The following NUDT13 variants were observed in gnomAD, a reference collection of about 807,000 sequenced individuals.
NUDT13 encodes the protein nudix hydrolase 13.
A neutral mutation model predicts 41.7 loss-of-function variants in NUDT13; 40 were observed. The ratio of observed to expected loss-of-function variants is 0.96; its 90% CI spans 0.75 to 1.25. The LOEUF (loss-of-function observed/expected upper bound fraction) is 1.25. NUDT13 is among the 50% of genes most tolerant of loss of function. The pLI, the probability that NUDT13 is intolerant of heterozygous loss-of-function variation, is 0.00. For missense variants in NUDT13, 390 were observed against 416.1 expected, an observed-to-expected ratio of 0.94 and a Z score of 0.55; for synonymous variants, 145 against 155.5, an observed-to-expected ratio of 0.93 and a Z score of 0.50.
In NUDT13 at chr10:73,125,167, G is replaced by C. The variant is rs769898059; in HGVS notation, c.515G>C (p.Ser172Thr). ...GATGCTCATCAGTTCTGCAGCAGAA[G>C]TGGGCAGCCCACCAAGAAGAACGTG... The part of the protein sequence containing the change: ...WHDAHQFCSR[S>T]GQPTKKNVAG... The change falls in exon 6 of 9, where the codon AGT becomes ACT. Residue 172 changes from serine to threonine, a missense_variant. Coordinates refer to ENST00000357321, the MANE Select transcript of NUDT13 (RefSeq NM_015901.6). The C allele has an allele frequency of 1.2e-6, 2 of 1,613,666 alleles. No individual in the cohort carries two copies. Among genetic ancestry groups the C allele is most frequent in the African/African-American group, 2.7e-5 (2 of 74,942 alleles).
At chr10:73,125,092 C>T in intron 5 of NUDT13, 26 bp from the exon 6 acceptor site, 2 of 1,594,474 alleles carry the variant, frequency 1.3e-6, no homozygotes, top group Non-Finnish European at 1.7e-6. Context: ...CTCCAAATGA[C>T]ACCAGGCCCA....
At chr10:73,116,786 AC>A (rs1370630855) in intron 2 of NUDT13, among the ~76,000 whole-genome samples, 3 of 151,964 alleles carry the variant, frequency 2.0e-5, no homozygotes, top group African/African-American at 2.4e-5. Context: ...TCCTACATGA[AC>A]AAGAGTGAAC....
chr10:73,113,184 G>A (rs1842412216), intron 1 of NUDT13, among the ~76,000 whole-genome samples: 1 of 152,198 alleles, frequency 6.6e-6, no homozygotes, highest in African/African-American at 2.4e-5. Flanking sequence ...ACCGCACCCA[G>A]CCCTTCTATT....
intron 3 of NUDT13, among the ~76,000 whole-genome samples, chr10:73,121,652 T>C (rs1462450310): frequency 6.6e-6 from 1 of 152,100 alleles, no homozygotes; most frequent in African/African-American, 2.4e-5. Context: ...TTGAACTCCT[T>C]GGCTCAAGAG....
chr10:73,121,279 T>G (rs1842640473), intron 3 of NUDT13, among the ~76,000 whole-genome samples: 3 of 152,146 alleles, frequency 2.0e-5, no homozygotes, highest in Non-Finnish European at 4.4e-5. Flanking sequence ...AACTTTCAGT[T>G]TTATATGAGT....
intron 5 of NUDT13, 23 bp from the exon 6 acceptor site, chr10:73,125,095 C>A: frequency 6.3e-7 from 1 of 1,594,846 alleles, no homozygotes; most frequent in Non-Finnish European, 8.5e-7. Context: ...CAAATGACAC[C>A]AGGCCCATCA....
rs1357712092 is a variant in NUDT13, at chr10:73,114,461, C to T, written c.83+13C>T. 1.4e-6 allele frequency: 2 copies of T among 1,477,620 alleles called. No homozygotes were observed. Among genetic ancestry groups the T allele is most frequent in the Admixed American group, 1.8e-5 (1 of 56,402 alleles). The allele number at this position is 1,477,620 out of a possible 1,614,324, so 91.5% of individuals were successfully genotyped here. A position where few individuals can be genotyped will look rare whatever the true frequency, so the allele number is the denominator to read the frequency against. ...TTACTAAGACACGGTGAGTTTTAGC[C>T]AACCTGAGCTTTGATTATTCTGTTT... is the stretch of plus-strand genomic sequence containing the variant. On this transcript the variant is annotated intron_variant, in intron 2 of 8. Coordinates refer to ENST00000357321, the MANE Select transcript of NUDT13 (RefSeq NM_015901.6).
chr10:73,112,714 A>G (rs1007786320), intron 1 of NUDT13, among the ~76,000 whole-genome samples: 1 of 151,980 alleles, frequency 6.6e-6, no homozygotes, highest in Non-Finnish European at 1.5e-5. Flanking sequence ...TAGTTACCAT[A>G]CAACACAATA....
intron 4 of NUDT13, among the ~76,000 whole-genome samples, chr10:73,122,555 T>C (rs969181700): frequency 2.0e-5 from 3 of 152,102 alleles, no homozygotes; most frequent in African/African-American, 7.2e-5. Flanking sequence ...CTCTGTACCA[T>C]TATACATTTT....
intron 4 of NUDT13, among the ~76,000 whole-genome samples, chr10:73,123,149 C>T (rs934635073): frequency 7.2e-5 from 11 of 152,170 alleles, no homozygotes; most frequent in African/African-American, 2.7e-4. Context: ...ATCCGCCTGC[C>T]TCAGCCTCCC....
intron 8 of NUDT13, among the ~76,000 whole-genome samples, chr10:73,128,320 A>G (rs150838370): frequency 6.6e-6 from 1 of 152,284 alleles, no homozygotes; most frequent in East Asian, 1.9e-4. Context: ...TAGTAGGTGC[A>G]CCAACTTACA....
intron 2 of NUDT13, among the ~76,000 whole-genome samples, chr10:73,116,849 C>T (rs1025064615): frequency 3.3e-4 from 47 of 144,014 alleles, no homozygotes; most frequent in Admixed American, 3.5e-4. Context: ...ATTTAGATTG[C>T]GTGTACTCCT....
chr10:73,117,177 C>T (rs1005041304), intron 2 of NUDT13, among the ~76,000 whole-genome samples: 1 of 151,510 alleles, frequency 6.6e-6, no homozygotes, highest in Admixed American at 6.6e-5. Context: ...GCCACCACGC[C>T]TGGCCAAGAA....
chr10:73,130,858 T>C lies in NUDT13; in HGVS notation c.1014T>C (p.Ile338=), dbSNP rs370864778. The C allele has an allele frequency of 6.2e-7, 1 of 1,613,810 alleles. No homozygotes were observed. The highest frequency in any genetic ancestry group is 1.3e-5 in the African/African-American group (1 of 74,986). Residue 338 remains isoleucine (I), a synonymous_variant, in exon 9 of 9, where the codon ATT becomes ATC. Transcript: ENST00000357321. The part of the protein sequence containing the change: ...PPKLAISHQL[I]KEWVEKQTCS... ...AGTTAGCCATCTCCCACCAACTGATTAAGGAGTGGGTGGAAAAACAGACCT... is the reference window on the plus strand; with the variant it reads ...AGTTAGCCATCTCCCACCAACTGATCAAGGAGTGGGTGGAAAAACAGACCT...
rs112873413 is a variant in NUDT13, at chr10:73,130,895, C to A, written c.1051C>A (p.Pro351Thr). Residue 351 changes from proline to threonine, a missense_variant, in exon 9 of 9, where the codon CCT becomes ACT. Pro to Thr is a conservative substitution (Grantham distance 38, BLOSUM62 -1). Coordinates refer to ENST00000357321, the MANE Select transcript of NUDT13 (RefSeq NM_015901.6). Reference protein sequence around the residue: ...WVEKQTCSSLPA With the variant: ...WVEKQTCSSLTA The stretch of plus-strand genomic sequence containing the variant: ...GGAAAAACAGACCTGTTCTTCCCTG[C>A]CTGCTTAGCCCGGATCAAGTCACTT... 56 of 1,613,012 alleles carry A rather than the reference C, an allele frequency of 3.5e-5. 1 individual carries two copies. The African/African-American group carries it at 5.1e-4, about 15-fold the overall frequency.
chr10:73,122,071 C>A, intron 3 of NUDT13, 104 bp from the exon 4 acceptor site: 1 of 1,366,498 alleles, frequency 7.3e-7, no homozygotes, highest in Non-Finnish European at 1.0e-6. Flanking sequence ...AGTATACCCA[C>A]TTTAAGCTGA....
intron 7 of NUDT13, 67 bp from the exon 8 acceptor site, chr10:73,126,606 C>G: frequency 6.4e-7 from 1 of 1,557,588 alleles, no homozygotes; most frequent in Middle Eastern, 1.8e-4. Flanking sequence ...GCACCTTTCT[C>G]AAATGGGCTG....
intron 1 of NUDT13, among the ~76,000 whole-genome samples, chr10:73,111,212 T>C (rs1842358813): frequency 6.6e-6 from 1 of 152,072 alleles, no homozygotes; most frequent in African/African-American, 2.4e-5. Context: ...TCTCCTGACC[T>C]CGTGATCCGC....
intron 2 of NUDT13, chr10:73,119,412 G>C (rs1241694654): frequency 1.4e-6 from 1 of 703,146 alleles, no homozygotes; most frequent in Non-Finnish European, 1.7e-6. Flanking sequence ...CTGAAGTAAG[G>C]GTACATTGAA....
Sources: gnomAD v4.1 joint callset for allele counts (sites outside exome capture counted in the v4.1 genomes callset) on GRCh38, gnomAD v4.1.1 for gene constraint, MANE v1.5 for transcripts, NCBI Gene and HGNC (gene_info 2026-07-23, HGNC 2026-07-21) for gene names.